The following APOBEC3H variants were observed in gnomAD, a reference collection of about 807,000 sequenced individuals.
APOBEC3H encodes apolipoprotein B mRNA editing enzyme catalytic subunit 3H, also known as DNA dC->dU-editing enzyme APOBEC-3H.
Under a neutral mutation model 21.2 loss-of-function variants are expected in APOBEC3H, and 8 were observed. The observed-to-expected ratio is 0.38, with a 90% CI of 0.22 to 0.68. The LOEUF is 0.68. APOBEC3H is among the 30% of genes least tolerant of loss of function. APOBEC3H has a pLI of 0.52. For missense variants in APOBEC3H, 229 were observed against 228.1 expected, an observed-to-expected ratio of 1.00 and a Z score of -0.03; for synonymous variants, 88 against 91.0, an observed-to-expected ratio of 0.97 and a Z score of 0.19.
intron 1 of APOBEC3H, among the ~76,000 whole-genome samples, chr22:39,098,684 G>A (rs1446899687): frequency 6.6e-5 from 10 of 152,130 alleles, no homozygotes; most frequent in African/African-American, 1.2e-4. Flanking sequence ...GCTGGGAGAG[G>A]TCACCCCGGC....
At position 39,103,734 on chromosome 22, in the gene APOBEC3H, C is replaced by G. The variant is rs1165955136; in HGVS notation, c.*37C>G. On this transcript the variant is annotated 3_prime_UTR_variant, in exon 5 of 5. Transcript: ENST00000442487. Reference sequence around the variant, plus strand: ...TTTAGAGAATGACTTAAGAAGTTTGCAGCTTGGACCCGTATCCCACTCATT... The same window carrying G: ...TTTAGAGAATGACTTAAGAAGTTTGGAGCTTGGACCCGTATCCCACTCATT... The G allele has an allele frequency of 6.2e-7, 1 of 1,612,328 alleles. No individual in the cohort carries two copies. The highest frequency in any genetic ancestry group is 1.7e-5 in the Admixed American group (1 of 60,010).
intron 4 of APOBEC3H, chr22:39,102,533 G>A (rs1278222903): frequency 2.8e-6 from 2 of 718,382 alleles, no homozygotes; most frequent in Non-Finnish European, 5.2e-6. Context: ...ACGTGCGCAG[G>A]GTCGTTACAT....
chr22:39,099,518 A>G lies in APOBEC3H; in HGVS notation c.-7-754A>G, dbSNP rs982508942. 4.6e-5 allele frequency among the ~76,000 whole-genome samples: 7 copies of G among 152,134 alleles called. No homozygotes were observed. In the South Asian group the frequency reaches 1.0e-3, roughly 23 times the overall value. On this transcript the variant is annotated intron_variant, in intron 1 of 4. Transcript: ENST00000442487. The stretch of plus-strand genomic sequence containing the variant: ...GTGGACCTCAAGGAGGGGGTGTCCA[A>G]CTGCAGCTGGAAAGAGGGATCTGGG...
chr22:39,102,057 T>C lies in APOBEC3H; in HGVS notation c.543+15T>C. ...AGAGGATAAAGGTGAGGCACTGTCC[T>C]GCCTGCTGCCCCCGACCTCCTCACC... On this transcript the variant is annotated intron_variant, in intron 4 of 4. Coordinates refer to ENST00000442487, the MANE Select transcript of APOBEC3H (RefSeq NM_181773.5). 13 of 1,611,854 alleles carry C rather than the reference T, an allele frequency of 8.1e-6. No individual in the cohort carries two copies. Among genetic ancestry groups the C allele is most frequent in the South Asian group, 5.5e-5 (5 of 90,910 alleles).
intron 3 of APOBEC3H, 77 bp from the exon 4 acceptor site, chr22:39,101,841 A>G: frequency 6.2e-7 from 1 of 1,601,494 alleles, no homozygotes; most frequent in African/African-American, 1.3e-5. Flanking sequence ...AAGAGAAGAG[A>G]GGGGAAAGGA....
At chr22:39,101,649 GT>G in intron 3 of APOBEC3H, 145 bp downstream of exon 3, 1 of 117,512 alleles carries the variant, frequency 8.5e-6, no homozygotes, top group Non-Finnish European at 1.5e-5. Context: ...GTGGGGGCGG[GT>G]TGGAGGAGGT....
intron 1 of APOBEC3H, among the ~76,000 whole-genome samples, chr22:39,098,252 T>C (rs1212293809): frequency 2.0e-5 from 3 of 152,256 alleles, no homozygotes; most frequent in Non-Finnish European, 4.4e-5. Flanking sequence ...TGTTTCGTTT[T>C]GTTTTTTTGA....
intron 3 of APOBEC3H, 128 bp downstream of exon 3, chr22:39,101,632 G>A: frequency 3.7e-6 from 1 of 268,762 alleles, no homozygotes; most frequent in South Asian, 2.3e-5. Context: ...GAGGAGGTTG[G>A]CGGGGGGTGG....
At chr22:39,100,600 G>T (rs971709100) in intron 2 of APOBEC3H, 172 bp downstream of exon 2, 4 of 881,038 alleles carry the variant, frequency 4.5e-6, no homozygotes, top group Non-Finnish European at 6.7e-6. Flanking sequence ...GATCTGAGTG[G>T]CCCAGTTTCC....
intron 4 of APOBEC3H, chr22:39,102,672 A>C (rs139305): frequency 0.49 from 332,810 of 679,646 alleles, 86,678 homozygotes; most frequent in African/African-American, 0.85. Flanking sequence ...TCTATTATTT[A>C]CATCTTTATG....
At position 39,101,412 on chromosome 22, in the gene APOBEC3H, C is replaced by G. The variant is rs1238736524; in HGVS notation, c.326C>G (p.Ser109Cys). The change falls in exon 3 of 5, where the codon TCC becomes TGC. Residue 109 changes from serine to cysteine, a missense_variant. By Grantham distance (112) the Ser-to-Cys change is moderately radical. Transcript: ENST00000442487. ...HDHLNLGIFASRLYYHWCKPQ... is the reference protein window; with the variant it reads ...HDHLNLGIFACRLYYHWCKPQ... Reference sequence around the variant, plus strand: ...CATCTGAACCTGGGCATCTTCGCCTCCCGCCTGTACTACCACTGGTGCAAG... The same window carrying G: ...CATCTGAACCTGGGCATCTTCGCCTGCCGCCTGTACTACCACTGGTGCAAG... 6.2e-7 allele frequency: 1 copy of G among 1,612,012 alleles called. No homozygotes were observed. Among genetic ancestry groups the G allele is most frequent in the African/African-American group, 1.3e-5 (1 of 74,224 alleles).
chr22:39,101,378 G>T lies in APOBEC3H; in HGVS notation c.292G>T (p.Ala98Ser). Residue 98 changes from alanine to serine, a missense_variant, in exon 3 of 5, where the codon GCT becomes TCT. By Grantham distance (99) the Ala-to-Ser change is moderately conservative. Transcript: ENST00000442487. ...CTGGGAGCTGGTTGACTTCATCAAGGCTCACGACCATCTGAACCTGGGCAT... is the reference window on the plus strand; with the variant it reads ...CTGGGAGCTGGTTGACTTCATCAAGTCTCACGACCATCTGAACCTGGGCAT... ...CAWELVDFIK[A>S]HDHLNLGIFA... 1 of 1,612,452 alleles carries T rather than the reference G, an allele frequency of 6.2e-7. No individual in the cohort carries two copies. The highest frequency in any genetic ancestry group is 8.5e-7 in the Non-Finnish European group (1 of 1,179,636).
chr22:39,100,650 A>G, intron 2 of APOBEC3H: 1 of 565,482 alleles, frequency 1.8e-6, no homozygotes, highest in South Asian at 2.4e-5. Flanking sequence ...GGACCTCTGA[A>G]GAGGCCAACC....
intron 3 of APOBEC3H, 114 bp downstream of exon 3, chr22:39,101,618 G>GT: frequency 3.8e-6 from 1 of 263,574 alleles, no homozygotes; most frequent in Non-Finnish European, 6.8e-6. Context: ...GCGGGGGCGG[G>GT]TTGGAGGAGG....
At chr22:39,100,653 G>A in intron 2 of APOBEC3H, 1 of 555,230 alleles carries the variant, frequency 1.8e-6, no homozygotes, top group South Asian at 2.5e-5. Flanking sequence ...CCTCTGAAGA[G>A]GCCAACCCTT....
chr22:39,103,459 T>C (rs1929484800), intron 4 of APOBEC3H, among the ~76,000 whole-genome samples: 1 of 152,170 alleles, frequency 6.6e-6, no homozygotes, highest in Admixed American at 6.5e-5. Context: ...AAATTGACAA[T>C]TGGGATCTAA....
At chr22:39,100,241 CATCTTT>C (rs777073424) in intron 1 of APOBEC3H, 25 bp from the exon 2 acceptor site, 8 of 1,599,078 alleles carry the variant, frequency 5.0e-6, no homozygotes, top group Non-Finnish European at 6.9e-6. Context: ...ACGCTCCCTT[CATCTTT>C]GGTTTTCCCC....
chr22:39,097,761 A>G lies in APOBEC3H; in HGVS notation c.-8+418A>G, dbSNP rs1270526034. Among the ~76,000 whole-genome samples, 7 of 152,174 alleles carry G rather than the reference A, an allele frequency of 4.6e-5. No individual in the cohort carries two copies. The South Asian group carries it at 1.2e-3, about 27-fold the overall frequency. The stretch of plus-strand genomic sequence containing the variant: ...CTTTGTGTAAGATTACTTTGTTTCA[A>G]TACAAAGTCTTAGGAGAGGGTGTGG... On this transcript the variant is annotated intron_variant, in intron 1 of 4. Transcript: ENST00000442487.
At chr22:39,098,254 T>C (rs1929114484) in intron 1 of APOBEC3H, among the ~76,000 whole-genome samples, 1 of 152,200 alleles carries the variant, frequency 6.6e-6, no homozygotes, top group Admixed American at 6.5e-5. Context: ...TTTCGTTTTG[T>C]TTTTTTGAGA....
Sources: gnomAD v4.1 joint callset for allele counts (sites outside exome capture counted in the v4.1 genomes callset) on GRCh38, gnomAD v4.1.1 for gene constraint, MANE v1.5 for transcripts, NCBI Gene and HGNC (gene_info 2026-07-23, HGNC 2026-07-21) for gene names.